RBFOX1: variants seen among roughly 807,000 people sequenced by gnomAD.
The protein encoded by RBFOX1 is RNA binding protein fox-1 homolog 1.
Under a neutral mutation model 57.7 loss-of-function variants are expected in RBFOX1, and 8 were observed. The observed-to-expected ratio is 0.14, with a 90% CI of 0.08 to 0.25. RBFOX1 has a LOEUF of 0.25. Among genes scored for constraint, RBFOX1 ranks in the 10% least tolerant of loss-of-function variants. The pLI is 1.00. For missense variants in RBFOX1, 611 were observed against 548.5 expected (o/e 1.11, Z -1.14); for synonymous variants, 326 against 222.4 (o/e 1.47, Z -4.15).
chr16:7,005,990 A>G (rs760213197), intron 3 of RBFOX1, among the ~76,000 whole-genome samples: 4 of 152,184 alleles, frequency 2.6e-5, no homozygotes, highest in Admixed American at 1.3e-4. Context: ...CAGAAAGGCA[A>G]ATCCTCTAAG....
At chr16:6,670,615 A>G (rs1043296999) in intron 3 of RBFOX1, among the ~76,000 whole-genome samples, 5 of 152,232 alleles carry the variant, frequency 3.3e-5, no homozygotes, top group Admixed American at 6.5e-5. Flanking sequence ...AAACCATATA[A>G]TATACCAATC....
At chr16:5,496,505 C>G (rs564480896) in intron 2 of RBFOX1, among the ~76,000 whole-genome samples, 2 of 152,266 alleles carry the variant, frequency 1.3e-5, no homozygotes, top group Non-Finnish European at 1.5e-5. Context: ...CTTCTTTCCT[C>G]ATCTCTCGGT....
chr16:5,620,805 A>G (rs2048179409), intron 3 of RBFOX1, among the ~76,000 whole-genome samples: 1 of 152,106 alleles, frequency 6.6e-6, no homozygotes, highest in Non-Finnish European at 1.5e-5. Context: ...CAGCTGCTTG[A>G]GTAGCCGGGA....
At chr16:6,666,388 A>C (rs548550537) in intron 3 of RBFOX1, among the ~76,000 whole-genome samples, 44 of 152,188 alleles carry the variant, frequency 2.9e-4, no homozygotes, top group African/African-American at 1.1e-3. Context: ...TACAAAATGT[A>C]TCCAGGTGTG....
chr16:5,848,243 G>C (rs528107398), intron 3 of RBFOX1, among the ~76,000 whole-genome samples: 2 of 152,132 alleles, frequency 1.3e-5, no homozygotes, highest in East Asian at 3.9e-4. Context: ...ACCACCACTG[G>C]ACCATTTCTG....
At chr16:6,237,671 A>T (rs1240618778) in intron 1 of RBFOX1, among the ~76,000 whole-genome samples, 1 of 151,448 alleles carries the variant, frequency 6.6e-6, no homozygotes, top group Non-Finnish European at 1.5e-5. Context: ...AACCAGGGAG[A>T]TGGAGGTTAC....
intron 2 of RBFOX1, among the ~76,000 whole-genome samples, chr16:5,536,833 A>G (rs1447694273): frequency 6.6e-6 from 1 of 152,140 alleles, no homozygotes; most frequent in African/African-American, 2.4e-5. Context: ...TGGTCAACAG[A>G]CAGCAGGTGC....
intron 2 of RBFOX1, among the ~76,000 whole-genome samples, chr16:5,519,019 A>G (rs2043907847): frequency 6.6e-6 from 1 of 152,216 alleles, no homozygotes. Context: ...AGAGGAGATG[A>G]GAACACGAAT....
At chr16:5,650,326 CGGTGGTGGT>C (rs532668887) in intron 3 of RBFOX1, among the ~76,000 whole-genome samples, 29 of 141,742 alleles carry the variant, frequency 2.0e-4, no homozygotes, top group Admixed American at 1.5e-3. Context: ...GCAGCCACGG[CGGTGGTGGT>C]GGTGGTGGTG....
chr16:6,885,468 C>T (rs760557537), intron 3 of RBFOX1, among the ~76,000 whole-genome samples: 5 of 152,294 alleles, frequency 3.3e-5, no homozygotes, highest in Admixed American at 6.5e-5. Flanking sequence ...ACAGTGATTC[C>T]TGGAGACTTT....
At chr16:6,832,552 G>C (rs376944031) in intron 3 of RBFOX1, among the ~76,000 whole-genome samples, 1 of 152,162 alleles carries the variant, frequency 6.6e-6, no homozygotes, top group African/African-American at 2.4e-5. Context: ...TGAATGTCTT[G>C]GGGTCTCAGG....
At chr16:7,217,533 A>T (rs770361468) in intron 4 of RBFOX1, among the ~76,000 whole-genome samples, 2 of 150,826 alleles carry the variant, frequency 1.3e-5, no homozygotes, top group Non-Finnish European at 3.0e-5. Context: ...TTGACTTCCA[A>T]CCCCTCGTCC....
At chr16:6,084,497 G>T (rs941638107) in intron 1 of RBFOX1, among the ~76,000 whole-genome samples, 3 of 152,102 alleles carry the variant, frequency 2.0e-5, no homozygotes, top group African/African-American at 7.2e-5. Flanking sequence ...CTCAGCCTCT[G>T]CCTCCCAAAA....
intron 1 of RBFOX1, 37 bp downstream of exon 1, chr16:6,020,029 C>T (rs1250347587): frequency 5.5e-6 from 8 of 1,457,638 alleles, no homozygotes; most frequent in Non-Finnish European, 7.3e-6. Flanking sequence ...TGCACCCACC[C>T]TGACCTGGTG....
chr16:6,210,200 C>T (rs546884694), intron 1 of RBFOX1, among the ~76,000 whole-genome samples: 1 of 151,352 alleles, frequency 6.6e-6, no homozygotes, highest in Non-Finnish European at 1.5e-5. Context: ...CGCCTTTAAT[C>T]CCAGCTACTT....
chr16:6,607,911 A>G (rs2097966718), intron 2 of RBFOX1, among the ~76,000 whole-genome samples: 1 of 152,176 alleles, frequency 6.6e-6, no homozygotes, highest in Non-Finnish European at 1.5e-5. Context: ...GGAGTTGGCA[A>G]CATACTGAAA....
intron 4 of RBFOX1, among the ~76,000 whole-genome samples, chr16:7,249,323 A>G (rs892295980): frequency 6.6e-6 from 1 of 152,096 alleles, no homozygotes; most frequent in African/African-American, 2.4e-5. Context: ...GCAATAGAGA[A>G]TAAATAAGAT....
At chr16:5,506,327 A>T (rs1344504818) in intron 2 of RBFOX1, among the ~76,000 whole-genome samples, 1 of 152,174 alleles carries the variant, frequency 6.6e-6, no homozygotes, top group Non-Finnish European at 1.5e-5. Context: ...TAAGTCGCGG[A>T]TAGCTCCTCA....
intron 2 of RBFOX1, among the ~76,000 whole-genome samples, chr16:5,536,319 C>T (rs1448794907): frequency 1.3e-5 from 2 of 150,188 alleles, no homozygotes; most frequent in African/African-American, 4.9e-5. Flanking sequence ...AGCACAGCCT[C>T]CTCCTGCTGG....
Sources: gnomAD v4.1 joint callset for allele counts (sites outside exome capture counted in the v4.1 genomes callset) on GRCh38, gnomAD v4.1.1 for gene constraint, MANE v1.5 for transcripts, NCBI Gene and HGNC (gene_info 2026-07-23, HGNC 2026-07-21) for gene names.